WDR83: variants seen among roughly 807,000 people sequenced by gnomAD.
WDR83 encodes WD repeat domain-containing protein 83.
Under a neutral mutation model 37.7 loss-of-function variants are expected in WDR83, and 37 were observed. The observed-to-expected ratio is 0.98, with a 90% CI of 0.76 to 1.29. WDR83 has a LOEUF of 1.29. Ranked by LOEUF, WDR83 falls within the 50% of genes most tolerant of loss-of-function variation. The pLI is 0.00. For synonymous variants in WDR83, 174 were observed against 181.1 expected, an observed-to-expected ratio of 0.96 and a Z score of 0.31; for missense variants, 445 against 414.4, an observed-to-expected ratio of 1.07 and a Z score of -0.64.
rs766053329 is a variant in WDR83, at chr19:12,670,813, C to T, written c.498C>T (p.Ile166=). The change falls in exon 7 of 11, where the codon ATC becomes ATT. Residue 166 remains isoleucine, a synonymous_variant. Coordinates refer to ENST00000418543, the MANE Select transcript of WDR83 (RefSeq NM_001099737.3). ...VSSVKVSDHE[I]LAGSVDGRVR... ...GTGTGAAGGTGTCAGACCACGAGAT[C>T]CTGGCAGGGTGAGTGGAGCCAGGAC... 2 of 1,613,126 alleles carry T rather than the reference C, an allele frequency of 1.2e-6. No homozygotes were observed. The highest frequency in any genetic ancestry group is 1.1e-5 in the South Asian group (1 of 90,910).
intron 2 of WDR83, chr19:12,669,173 C>T: frequency 1.2e-6 from 2 of 1,614,202 alleles, no homozygotes; most frequent in Non-Finnish European, 1.7e-6. Context: ...CCAGCAGGTT[C>T]ATGTAGTCCG....
In WDR83 at chr19:12,670,183, C is replaced by T; in HGVS notation, c.228C>T (p.Ser76=). 6.2e-7 allele frequency: 1 copy of T among 1,613,616 alleles called. No individual in the cohort carries two copies. Among genetic ancestry groups the T allele is most frequent in the Non-Finnish European group, 8.5e-7 (1 of 1,179,716 alleles). ...HGYEVLDAAG[S]FDNSSLCSGG... Reference sequence around the variant, plus strand: ...TCCTCCTCCTCCTTTACTCCAGCTCCTTTGACAACAGTAGTCTCTGCTCCG... The same window carrying T: ...TCCTCCTCCTCCTTTACTCCAGCTCTTTTGACAACAGTAGTCTCTGCTCCG... The change falls in exon 5 of 11, where the codon TCC becomes TCT. Residue 76 remains serine, a synonymous_variant. Coordinates refer to ENST00000418543, the MANE Select transcript of WDR83 (RefSeq NM_001099737.3).
At chr19:12,670,991 C>A in intron 7 of WDR83, 170 bp downstream of exon 7, 1 of 916,170 alleles carries the variant, frequency 1.1e-6, no homozygotes, top group Non-Finnish European at 1.6e-6. Context: ...GTTCGAGGCA[C>A]CATTGCACTC....
intron 7 of WDR83, among the ~76,000 whole-genome samples, chr19:12,671,757 A>T (rs1018308989): frequency 4.6e-5 from 7 of 152,166 alleles, no homozygotes; most frequent in Admixed American, 4.6e-4. Flanking sequence ...GAGTGCAGTG[A>T]CGTGATCTCG....
intron 2 of WDR83, chr19:12,669,298 G>A: frequency 6.2e-7 from 1 of 1,606,044 alleles, no homozygotes; most frequent in Non-Finnish European, 8.5e-7. Context: ...GCGCTTCCCA[G>A]GGCCCCGATC....
intron 7 of WDR83, chr19:12,671,188 T>A (rs2024404901): frequency 5.0e-6 from 1 of 201,530 alleles, no homozygotes; most frequent in Non-Finnish European, 1.0e-5. Context: ...ATTAGCCAGG[T>A]GTGGTGACGG....
At position 12,675,581 on chromosome 19, in the gene WDR83, A is replaced by G. The variant is rs1599376589; in HGVS notation, c.857A>G (p.His286Arg). ...GGTGTGGTGCAGTCGCTGGCCTACC[A>G]CCCAACAGAGCCCTGCCTGCTGACC... ...GSGVVQSLAY[H>R]PTEPCLLTAM... The change falls in exon 11 of 11, where the codon CAC becomes CGC. Residue 286 changes from histidine to arginine, a missense_variant. Coordinates refer to ENST00000418543, the MANE Select transcript of WDR83 (RefSeq NM_001099737.3). 2.5e-6 allele frequency: 4 copies of G among 1,605,794 alleles called. No individual in the cohort carries two copies. The highest frequency in any genetic ancestry group is 3.4e-6 in the Non-Finnish European group (4 of 1,179,932).
intron 2 of WDR83, chr19:12,669,464 A>C (rs778424415): frequency 6.4e-7 from 1 of 1,552,586 alleles, no homozygotes; most frequent in African/African-American, 1.4e-5. Flanking sequence ...CCGGCGTGCA[A>C]GCTGAGGGCG....
Position 12,670,007 on chromosome 19 carries a change from G to A in WDR83, c.134G>A (p.Ser45Asn). The A allele has an allele frequency of 6.2e-7, 1 of 1,612,470 alleles. No homozygotes were observed. Among genetic ancestry groups the A allele is most frequent in the African/African-American group, 1.3e-5 (1 of 75,044 alleles). Residue 45 changes from serine (S) to asparagine (N), a missense_variant, in exon 4 of 11, where the codon AGT becomes AAT. By Grantham distance (46) the Ser-to-Asn change is conservative. Transcript: ENST00000418543. ...GGCAATTACTGCCTGACGTGCGGCA[G>A]TGACAAGACGCTGAAGCTGTGGAAC... ...VDGNYCLTCG[S>N]DKTLKLWNPL...
chr19:12,669,569 C>T (rs945542775), intron 2 of WDR83, 186 bp from the exon 3 acceptor site: 3 of 974,626 alleles, frequency 3.1e-6, no homozygotes, highest in Non-Finnish European at 4.5e-6. Context: ...TAGGAGAAGC[C>T]AGAAGTCTTC....
chr19:12,675,630 C>A lies in WDR83; in HGVS notation c.906C>A (p.Cys302Ter). Residue 302 changes from cysteine (C) to a stop codon, truncating the protein, a stop_gained, in exon 11 of 11, where the codon TGC becomes TGA. Coordinates refer to ENST00000418543, the MANE Select transcript of WDR83 (RefSeq NM_001099737.3). LOFTEE classifies it high-confidence loss of function. ...LLTAMGGSVQCWREEAYEAED... is the reference protein window; with the variant it reads ...LLTAMGGSVQ ...CCGCCATGGGAGGCAGCGTCCAGTG[C>A]TGGCGAGAGGAGGCCTATGAGGCAG... The A allele has an allele frequency of 6.2e-7, 1 of 1,602,718 alleles. No individual in the cohort carries two copies. The highest frequency in any genetic ancestry group is 8.5e-7 in the Non-Finnish European group (1 of 1,179,832).
intron 5 of WDR83, 125 bp from the exon 6 acceptor site, chr19:12,670,438 G>A: frequency 6.6e-7 from 1 of 1,525,054 alleles, no homozygotes; most frequent in African/African-American, 1.4e-5. Context: ...ACCAACCCCT[G>A]TCCTTGCTGT....
At position 12,669,872 on chromosome 19, in the gene WDR83, G is replaced by C. The variant is rs755662993; in HGVS notation, c.82G>C (p.Val28Leu). The C allele has an allele frequency of 2.1e-5, 34 of 1,611,098 alleles. No individual in the cohort carries two copies. The highest frequency in any genetic ancestry group is 1.2e-4 in the Admixed American group (7 of 59,694). ...LKTLDCGQGA[V>L]RAVRFNVDGN... ...GACGCTGGACTGCGGGCAGGGGGCA[G>C]TGCGAGCCGTACGATTTAATGGTGA... The change falls in exon 3 of 11, where the codon GTG (valine) becomes CTG (leucine). Residue 28 changes from valine to leucine, a missense_variant. By Grantham distance (32) the Val-to-Leu change is conservative. Transcript: ENST00000418543.
chr19:12,672,999 T>TC lies in WDR83; in HGVS notation c.575-4dup. 1 of 1,611,484 alleles carries TC rather than the reference T, an allele frequency of 6.2e-7. No homozygotes were observed. Among genetic ancestry groups the TC allele is most frequent in the Non-Finnish European group, 8.5e-7 (1 of 1,178,718 alleles). ...CCACCCTCACTCACCTACCCACCCT[T>TC]CCCCCAAGGCCCCATCACCTGCACC... On this transcript the variant is annotated splice_polypyrimidine_tract_variant and intron_variant, in intron 8 of 10. Coordinates refer to ENST00000418543, the MANE Select transcript of WDR83 (RefSeq NM_001099737.3).
intron 7 of WDR83, chr19:12,672,576 C>T: frequency 6.3e-6 from 3 of 479,768 alleles, no homozygotes; most frequent in Non-Finnish European, 1.2e-5. Context: ...CCATTGCACT[C>T]CAGCCTGAGC....
Position 12,673,270 on chromosome 19 carries a change from T to C in WDR83, c.752T>C (p.Val251Ala). 1 of 1,614,034 alleles carries C rather than the reference T, an allele frequency of 6.2e-7. No individual in the cohort carries two copies. ...CTGAGCGAGCGTGACACACATGTGG[T>C]CAGCTGTTCTGAGGACGGGAAGGTG... is the stretch of plus-strand genomic sequence containing the variant. ...CCLSERDTHV[V>A]SCSEDGKVFF... is the part of the protein sequence containing the mutation. Residue 251 changes from valine (V) to alanine (A), a missense_variant, in exon 10 of 11, where the codon GTC becomes GCC. By Grantham distance (64) the Val-to-Ala change is moderately conservative. Transcript: ENST00000418543.
intron 7 of WDR83, chr19:12,671,029 C>A: frequency 1.4e-6 from 1 of 716,170 alleles, no homozygotes; most frequent in Non-Finnish European, 2.2e-6. Context: ...AGACTGTCTA[C>A]AAAATAATAA....
In WDR83 at chr19:12,672,815, A is replaced by G. The variant is rs1043327010; in HGVS notation, c.507-32A>G. ...TGCCTGGAGCCATGTGAGTGTAGTCAAGGTTCCCGCTGGATCTACCCTCTC... is the reference window on the plus strand; with the variant it reads ...TGCCTGGAGCCATGTGAGTGTAGTCGAGGTTCCCGCTGGATCTACCCTCTC... On this transcript the variant is annotated intron_variant, in intron 7 of 10. Transcript: ENST00000418543. The G allele has an allele frequency of 2.6e-6, 4 of 1,557,532 alleles. No homozygotes were observed. The African/African-American group carries it at 5.4e-5, about 21-fold the overall frequency.
intron 7 of WDR83, 78 bp downstream of exon 7, chr19:12,670,899 A>C: frequency 6.5e-7 from 1 of 1,538,576 alleles, no homozygotes; most frequent in Non-Finnish European, 8.8e-7. Flanking sequence ...ATTAAAACCT[A>C]CTCTCAGCTG....
Sources: allele counts gnomAD v4.1 joint callset (sites outside exome capture counted in the v4.1 genomes callset), GRCh38; gene constraint gnomAD v4.1.1; transcripts MANE v1.5; gene names NCBI Gene and HGNC (gene_info 2026-07-23, HGNC 2026-07-21).